Variants in PPARD observed in about 807,000 individuals in gnomAD.
The protein encoded by PPARD is peroxisome proliferator activated receptor delta.
In PPARD, 6 loss-of-function variants were observed where a neutral mutation model predicts 39.5. The ratio of observed to expected loss-of-function variants is 0.15; its 90% CI spans 0.08 to 0.30. PPARD has a LOEUF of 0.30. Among genes scored for constraint, PPARD ranks in the 10% least tolerant of loss-of-function variants. The pLI is 1.00. For synonymous variants in PPARD, 210 were observed against 231.3 expected, an observed-to-expected ratio of 0.91 and a Z score of 0.83; for missense variants, 397 against 596.8, an observed-to-expected ratio of 0.67 and a Z score of 3.49.
chr6:35,378,527 C>T (rs548149400), intron 2 of PPARD, among the ~76,000 whole-genome samples: 1 of 152,332 alleles, frequency 6.6e-6, no homozygotes, highest in South Asian at 2.1e-4. Context: ...GGTTTCCAGA[C>T]TTAAGAATGC....
intron 2 of PPARD, among the ~76,000 whole-genome samples, chr6:35,384,849 C>T (rs1763492534): frequency 5.2e-5 from 5 of 95,508 alleles, no homozygotes; most frequent in Non-Finnish European, 6.3e-5. Flanking sequence ...GGGTCAGCCC[C>T]CCGCCTGGCC....
rs200914687 is a variant in PPARD at position 35,347,147 on chromosome 6, C to T, written c.-105C>T. ...CAACAGATGAAGACAGATGCACCAACGAGGTAATCCCATTTTCTTTACTCA... is the reference window on the plus strand; with the variant it reads ...CAACAGATGAAGACAGATGCACCAATGAGGTAATCCCATTTTCTTTACTCA... On this transcript the variant is annotated 5_prime_UTR_variant, in exon 2 of 8. It adds an upstream start codon to the 5' untranslated region. Transcript: ENST00000360694. 23 of 1,536,106 alleles carry T rather than the reference C, an allele frequency of 1.5e-5. No homozygotes were observed. Among genetic ancestry groups the T allele is most frequent in the East Asian group, 9.8e-5 (4 of 40,918 alleles).
chr6:35,384,513 C>T (rs1581593404), intron 2 of PPARD, among the ~76,000 whole-genome samples: 3 of 115,278 alleles, frequency 2.6e-5, no homozygotes, highest in South Asian at 5.5e-4. Flanking sequence ...CCCGGCCAGC[C>T]GCCCCGTCCG....
At chr6:35,344,207 C>G (rs1467762263) in intron 1 of PPARD, among the ~76,000 whole-genome samples, 1 of 152,074 alleles carries the variant, frequency 6.6e-6, no homozygotes, top group Non-Finnish European at 1.5e-5. Flanking sequence ...TTTTCTGAAT[C>G]TAGGGAATCC....
At position 35,363,866 on chromosome 6, in the gene PPARD, C is replaced by T. The variant is rs1762049250; in HGVS notation, c.-102+16716C>T. Among the ~76,000 whole-genome samples the T allele has an allele frequency of 1.3e-5, 2 of 151,580 alleles. No homozygotes were observed. The highest frequency in any genetic ancestry group is 4.2e-4 in the South Asian group (2 of 4,812). On this transcript the variant is annotated intron_variant, in intron 2 of 7. Coordinates refer to ENST00000360694, the MANE Select transcript of PPARD (RefSeq NM_006238.5). The surrounding 1 kb of genome is among the most constrained non-coding windows in gnomAD (Gnocchi z 4.5). ...ATATAGTTCACATAACCAAATTCAC[C>T]ACTTTAAAGTGTGTACTTTGATGGT...
At chr6:35,359,084 G>A (rs1007922568) in intron 2 of PPARD, among the ~76,000 whole-genome samples, 17 of 152,288 alleles carry the variant, frequency 1.1e-4, no homozygotes, top group Middle Eastern at 3.4e-3. Context: ...GAAGAATCTC[G>A]CAGGCAGAGG....
intron 2 of PPARD, among the ~76,000 whole-genome samples, chr6:35,379,175 C>A (rs1762991143): frequency 6.6e-6 from 1 of 151,178 alleles, no homozygotes; most frequent in South Asian, 2.1e-4. Context: ...TCAATCTCTG[C>A]TCACTGCAAC....
rs771421269 is a variant in PPARD, at chr6:35,424,410, C to T, written c.709C>T (p.Pro237Ser). The T allele has an allele frequency of 6.2e-7, 1 of 1,614,120 alleles. No homozygotes were observed. The highest frequency in any genetic ancestry group is 1.1e-5 in the South Asian group (1 of 91,078). ...GAAGCAGTTGGTGAATGGCCTGCCT[C>T]CCTACAAGGAGATCAGCGTGCACGT... ...VWKQLVNGLP[P>S]YKEISVHVFY... Residue 237 changes from proline to serine, a missense_variant, in exon 7 of 8, where the codon CCC (proline) becomes TCC (serine). Pro to Ser is a moderately conservative substitution (Grantham distance 74). Transcript: ENST00000360694. This position sits in a 1 kb window ranked among gnomAD's most constrained non-coding sequence, Gnocchi z 7.1.
At chr6:35,384,368 C>T in intron 2 of PPARD, among the ~76,000 whole-genome samples, 1 of 140,166 alleles carries the variant, frequency 7.1e-6, no homozygotes, top group Non-Finnish European at 1.6e-5. Flanking sequence ...GGCGCCTCTG[C>T]CTGGCTGCCC....
intron 3 of PPARD, among the ~76,000 whole-genome samples, chr6:35,418,334 T>C (rs945672418): frequency 2.7e-5 from 1 of 36,782 alleles, no homozygotes; most frequent in African/African-American, 1.6e-4. Flanking sequence ...TTATTGTCCC[T>C]GTTATAAATG....
At chr6:35,385,822 G>T (rs1763615950) in intron 2 of PPARD, among the ~76,000 whole-genome samples, 1 of 152,054 alleles carries the variant, frequency 6.6e-6, no homozygotes, top group Non-Finnish European at 1.5e-5. Flanking sequence ...GTGGGATGCA[G>T]TCCCGGTGTG....
At chr6:35,403,694 T>C (rs1369683439) in intron 2 of PPARD, among the ~76,000 whole-genome samples, 1 of 151,902 alleles carries the variant, frequency 6.6e-6, no homozygotes, top group East Asian at 1.9e-4. Flanking sequence ...CATTGCAGTT[T>C]GGTGTAGTGA....
chr6:35,346,938 G>A (rs1792216408), intron 1 of PPARD, 129 bp from the exon 2 acceptor site: 3 of 586,646 alleles, frequency 5.1e-6, no homozygotes, highest in South Asian at 4.3e-5. Context: ...TGGTGTGTAA[G>A]GGACCGACGA....
In PPARD at chr6:35,383,949, G is replaced by GC. The variant is rs779192529; in HGVS notation, c.-101-27031dup. ...TCCGGGAGGGAGGTGGGGGGGGTCA[G>GC]CCCCCCCGCCAGGCCAGCAGCCCCA... On this transcript the variant is annotated intron_variant, in intron 2 of 7. Transcript: ENST00000360694. 1.0e-3 allele frequency among the ~76,000 whole-genome samples: 99 copies of GC among 96,602 alleles called. 4 individuals carry two copies. Among genetic ancestry groups the GC allele is most frequent in the Admixed American group, 1.6e-3 (17 of 10,866 alleles). 63.4% of individuals were successfully genotyped at this position (96,602 alleles called of 152,430 possible).
intron 2 of PPARD, among the ~76,000 whole-genome samples, chr6:35,394,867 T>C (rs1380587361): frequency 1.3e-5 from 2 of 150,374 alleles, no homozygotes; most frequent in African/African-American, 2.5e-5. Context: ...ATAATACAAA[T>C]GTCTTTTACA....
Position 35,411,146 on chromosome 6 carries a change from T to A in PPARD, c.59T>A (p.Val20Glu). The A allele has an allele frequency of 6.3e-7, 1 of 1,581,648 alleles. No homozygotes were observed. The highest frequency in any genetic ancestry group is 8.6e-7 in the Non-Finnish European group (1 of 1,162,658). The change falls in exon 3 of 8, where the codon GTG becomes GAG. Residue 20 changes from valine (V) to glutamate (E), a missense_variant. Physicochemically the swap from Val to Glu is moderately radical, Grantham distance 121 (BLOSUM62 -2). Transcript: ENST00000360694. ...CGGGAAGAGGAGGAGAAAGAGGAAG[T>A]GGCAGAGGCAGAAGGAGCCCCAGAG... ...EVREEEEKEE[V>E]AEAEGAPELN...
In PPARD at chr6:35,342,634, G is replaced by C. The variant is rs11571502; in HGVS notation, c.-233G>C. ...GTTTTGGCAGGAGCGGGAGAATTCT[G>C]CGGAGCCTGCGGGACGGCGGCGGTG... On this transcript the variant is annotated 5_prime_UTR_variant, in exon 1 of 8. Transcript: ENST00000360694. 1,891 of 152,868 alleles carry C rather than the reference G, an allele frequency of 0.012. 19 individuals carry two copies. Among genetic ancestry groups the C allele is most frequent in the Middle Eastern group, 0.024 (7 of 294 alleles). 9.5% of individuals were successfully genotyped at this position (152,868 alleles called of 1,614,324 possible).
At chr6:35,348,513 G>A in intron 2 of PPARD, 1 of 985,456 alleles carries the variant, frequency 1.0e-6, no homozygotes, top group East Asian at 1.1e-4. Flanking sequence ...AGGCTGGGTT[G>A]TTGTGGGTCC....
chr6:35,364,018 T>G (rs2150505941), intron 2 of PPARD, among the ~76,000 whole-genome samples: 1 of 152,042 alleles, frequency 6.6e-6, no homozygotes, highest in South Asian at 2.1e-4. Flanking sequence ...TATTAACCAC[T>G]AATTCCAGGA....
Sources: allele counts gnomAD v4.1 joint callset (sites outside exome capture counted in the v4.1 genomes callset), GRCh38; gene constraint gnomAD v4.1.1; non-coding constraint Gnocchi (gnomAD v3.1); transcripts MANE v1.5; gene names NCBI Gene and HGNC (gene_info 2026-07-23, HGNC 2026-07-21).